Variants in WWOX observed in about 807,000 individuals in gnomAD.
The protein encoded by WWOX is WW domain containing oxidoreductase, also known as WW domain-containing oxidoreductase.
Under a neutral mutation model 46.2 loss-of-function variants are expected in WWOX, and 69 were observed. The observed-to-expected ratio is 1.49, with a 90% CI of 1.23 to 1.82. WWOX has a LOEUF of 1.82. Ranked by LOEUF, WWOX falls within the 40% of genes most tolerant of loss-of-function variation. The pLI, the probability that WWOX is intolerant of heterozygous loss-of-function variation, is 0.00. For synonymous variants in WWOX, 359 were observed against 202.6 expected, an observed-to-expected ratio of 1.77 and a Z score of -6.56; for missense variants, 919 against 542.6, an observed-to-expected ratio of 1.69 and a Z score of -6.89.
chr16:79,169,056 G>A (rs923680705), intron 8 of WWOX, among the ~76,000 whole-genome samples: 1 of 152,112 alleles, frequency 6.6e-6, no homozygotes, highest in Non-Finnish European at 1.5e-5. Context: ...AAATTAATAC[G>A]GGCAAGGCGT....
intron 8 of WWOX, among the ~76,000 whole-genome samples, chr16:78,588,844 G>A (rs1299248078): frequency 6.6e-6 from 1 of 152,174 alleles, no homozygotes; most frequent in African/African-American, 2.4e-5. Context: ...TTTACCCAGG[G>A]TGGTGGTAGT....
At chr16:78,754,642 G>T (rs1447034504) in intron 8 of WWOX, among the ~76,000 whole-genome samples, 3 of 152,094 alleles carry the variant, frequency 2.0e-5, no homozygotes, top group Non-Finnish European at 4.4e-5. Flanking sequence ...TGGAAACTGG[G>T]CATTTTAATT....
intron 8 of WWOX, among the ~76,000 whole-genome samples, chr16:79,069,622 T>C (rs1159634694): frequency 6.6e-6 from 1 of 151,866 alleles, no homozygotes; most frequent in African/African-American, 2.4e-5. Flanking sequence ...TCAACCATTA[T>C]TGAAGTAAGT....
At chr16:79,122,446 C>T (rs911352236) in intron 8 of WWOX, among the ~76,000 whole-genome samples, 1 of 152,126 alleles carries the variant, frequency 6.6e-6, no homozygotes, top group African/African-American at 2.4e-5. Flanking sequence ...GGCATCTCTT[C>T]TTTCTTTTTC....
At chr16:78,486,097 G>A (rs73576870) in intron 8 of WWOX, among the ~76,000 whole-genome samples, 3 of 152,160 alleles carry the variant, frequency 2.0e-5, no homozygotes, top group Admixed American at 6.5e-5. Context: ...ATGTGAGGGG[G>A]TGTGTGGTGG....
rs116301515 is a variant in WWOX, at chr16:78,597,065, C to T, written c.1056+164313C>T. On this transcript the variant is annotated intron_variant, in intron 8 of 8. Coordinates refer to ENST00000566780, the MANE Select transcript of WWOX (RefSeq NM_016373.4). ...TCCCCTACCCTCTTCTGCGTAGAAG[C>T]GCTGGAGCCAGGTGCTTACGACCTG... Among the ~76,000 whole-genome samples the T allele has an allele frequency of 8.7e-3, 1,325 of 152,316 alleles. 16 individuals are homozygous for T. Among genetic ancestry groups the T allele is most frequent in the African/African-American group, 0.03 (1,247 of 41,560 alleles).
chr16:78,974,709 T>C (rs1285305417), intron 8 of WWOX, among the ~76,000 whole-genome samples: 1 of 152,194 alleles, frequency 6.6e-6, no homozygotes, highest in Non-Finnish European at 1.5e-5. Flanking sequence ...TTTACAGAGT[T>C]GCCACTTTGC....
At chr16:78,911,750 C>T (rs1052603487) in intron 8 of WWOX, among the ~76,000 whole-genome samples, 4 of 152,048 alleles carry the variant, frequency 2.6e-5, no homozygotes, top group African/African-American at 9.7e-5. Context: ...CCTGTAATCT[C>T]AGCTACTCAG....
intron 8 of WWOX, among the ~76,000 whole-genome samples, chr16:78,542,311 C>A (rs940711499): frequency 6.6e-6 from 1 of 152,084 alleles, no homozygotes; most frequent in African/African-American, 2.4e-5. Flanking sequence ...CTCTAGATGA[C>A]ATGATGTACC....
chr16:79,030,672 C>G (rs1261870277), intron 8 of WWOX, among the ~76,000 whole-genome samples: 1 of 152,210 alleles, frequency 6.6e-6, no homozygotes, highest in South Asian at 2.1e-4. Flanking sequence ...GCACTTGGGT[C>G]TTGAAATCTT....
chr16:78,907,354 G>T (rs2044992712), intron 8 of WWOX, among the ~76,000 whole-genome samples: 1 of 152,166 alleles, frequency 6.6e-6, no homozygotes, highest in African/African-American at 2.4e-5. Flanking sequence ...TTATCTGCAG[G>T]AATAATTGGG....
intron 8 of WWOX, among the ~76,000 whole-genome samples, chr16:79,144,021 C>A (rs1331231964): frequency 6.6e-6 from 1 of 152,164 alleles, no homozygotes; most frequent in Admixed American, 6.5e-5. Flanking sequence ...TTTCAGCTTA[C>A]TGAGTAGCTG....
intron 8 of WWOX, among the ~76,000 whole-genome samples, chr16:78,557,558 C>T (rs1028095311): frequency 6.6e-6 from 1 of 152,098 alleles, no homozygotes; most frequent in Non-Finnish European, 1.5e-5. Context: ...CTTTGAGTTT[C>T]CAAGAAGGGA....
At chr16:78,716,501 C>G (rs1169539175) in intron 8 of WWOX, among the ~76,000 whole-genome samples, 1 of 152,156 alleles carries the variant, frequency 6.6e-6, no homozygotes, top group East Asian at 1.9e-4. Flanking sequence ...AGATGATGCA[C>G]TGCTTATTTT....
intron 8 of WWOX, among the ~76,000 whole-genome samples, chr16:78,701,653 G>A (rs548968759): frequency 6.6e-6 from 1 of 151,940 alleles, no homozygotes; most frequent in Non-Finnish European, 1.5e-5. Flanking sequence ...TGCAGGGAGA[G>A]CTTGGAAACC....
intron 8 of WWOX, among the ~76,000 whole-genome samples, chr16:79,052,232 T>G (rs962219953): frequency 2.0e-5 from 3 of 150,176 alleles, no homozygotes; most frequent in African/African-American, 7.4e-5. Context: ...ATATTCCCCT[T>G]CCTGTGTCCA....
At chr16:78,910,038 C>T (rs2045067815) in intron 8 of WWOX, among the ~76,000 whole-genome samples, 1 of 152,086 alleles carries the variant, frequency 6.6e-6, no homozygotes, top group African/African-American at 2.4e-5. Context: ...ATGTAATTGC[C>T]CATGCAACCC....
intron 8 of WWOX, among the ~76,000 whole-genome samples, chr16:78,461,713 T>A (rs2083954569): frequency 6.6e-6 from 1 of 152,204 alleles, no homozygotes; most frequent in Admixed American, 6.5e-5. Flanking sequence ...GCAAGTCGAT[T>A]GGACATGCCC....
At chr16:78,548,803 A>C (rs891483598) in intron 8 of WWOX, among the ~76,000 whole-genome samples, 3 of 152,196 alleles carry the variant, frequency 2.0e-5, no homozygotes, top group African/African-American at 4.8e-5. Flanking sequence ...AAACGCCTTC[A>C]TTTCAATATT....
Sources: gnomAD v4.1 joint callset for allele counts (sites outside exome capture counted in the v4.1 genomes callset) on GRCh38, gnomAD v4.1.1 for gene constraint, MANE v1.5 for transcripts, NCBI Gene and HGNC (gene_info 2026-07-23, HGNC 2026-07-21) for gene names.